The following RUFY4 variants were observed in gnomAD, a reference collection of about 807,000 sequenced individuals.
RUFY4 encodes the protein RUN and FYVE domain-containing protein 4.
A neutral mutation model predicts 69.0 loss-of-function variants in RUFY4; 73 were observed. That is an observed-to-expected ratio of 1.06 (90% CI 0.88 to 1.29). The LOEUF is 1.29. Among genes scored for constraint, RUFY4 ranks in the 50% most tolerant of loss-of-function variants. RUFY4 has a pLI of 0.00. For synonymous variants in RUFY4, 287 were observed against 271.8 expected, an observed-to-expected ratio of 1.06 and a Z score of -0.55; for missense variants, 770 against 705.6, an observed-to-expected ratio of 1.09 and a Z score of -1.03.
Position 218,070,656 on chromosome 2 carries a change from G to A in RUFY4, c.46+5G>A. On this transcript the variant is annotated splice_donor_5th_base_variant and intron_variant, in intron 1 of 10. Transcript: ENST00000344321. Reference sequence around the variant, plus strand: ...AGGTCACCAAAGACCTAAGAGGTGAGTGTGTCCTGAGAGATGCTCTGGGAC... The same window carrying A: ...AGGTCACCAAAGACCTAAGAGGTGAATGTGTCCTGAGAGATGCTCTGGGAC... 2 of 1,537,496 alleles carry A rather than the reference G, an allele frequency of 1.3e-6. No homozygotes were observed. The highest frequency in any genetic ancestry group is 2.4e-5 in the South Asian group (2 of 84,066).
intron 2 of RUFY4, among the ~76,000 whole-genome samples, chr2:218,055,603 A>G (rs1282122361): frequency 6.6e-6 from 1 of 152,188 alleles, no homozygotes; most frequent in African/African-American, 2.4e-5. Context: ...TGTAGAATGG[A>G]CTGTATCTTA....
intron 8 of RUFY4, among the ~76,000 whole-genome samples, chr2:218,080,204 T>C (rs1689729186): frequency 6.6e-6 from 1 of 152,204 alleles, no homozygotes; most frequent in South Asian, 2.1e-4. Flanking sequence ...CGGAATTCTC[T>C]GTGCTACCAG....
chr2:218,070,747 C>T lies in RUFY4; in HGVS notation c.47-6C>T. 1.3e-6 allele frequency: 2 copies of T among 1,536,704 alleles called. No homozygotes were observed. The highest frequency in any genetic ancestry group is 1.7e-6 in the Non-Finnish European group (2 of 1,146,324). On this transcript the variant is annotated splice_polypyrimidine_tract_variant and splice_region_variant and intron_variant, in intron 1 of 10. Transcript: ENST00000344321. ...AGCGACCTGACATCTGCCATCCTCC[C>T]AGCAGCTGCCGTCTCTGCCATCCTC...
intron 2 of RUFY4, among the ~76,000 whole-genome samples, chr2:218,035,916 C>A (rs912699641): frequency 6.6e-6 from 1 of 152,176 alleles, no homozygotes; most frequent in African/African-American, 2.4e-5. Context: ...GGATGAGTAC[C>A]CGGGTGAGGC....
chr2:218,075,038 C>T, intron 6 of RUFY4, 55 bp from the exon 9 acceptor site: 1 of 1,461,680 alleles, frequency 6.8e-7, no homozygotes. Context: ...TCTAATGGCA[C>T]CAGGTCAGTG....
intron 2 of RUFY4, 75 bp from the exon 5 acceptor site, chr2:218,072,299 C>T (rs1689507084): frequency 2.0e-6 from 3 of 1,501,624 alleles, no homozygotes; most frequent in Non-Finnish European, 1.8e-6. Flanking sequence ...TACATGTCCC[C>T]TCAGCAAGCT....
At chr2:218,045,771 T>A (rs1688812125) in intron 2 of RUFY4, among the ~76,000 whole-genome samples, 1 of 151,986 alleles carries the variant, frequency 6.6e-6, no homozygotes, top group South Asian at 2.1e-4. Flanking sequence ...GGCAAATATG[T>A]ACATAATAAT....
chr2:218,084,785 G>C (rs922713637), intron 9 of RUFY4, among the ~76,000 whole-genome samples: 1 of 152,066 alleles, frequency 6.6e-6, no homozygotes, highest in Admixed American at 6.6e-5. Context: ...GTGGCTCACA[G>C]GCCTGTAATC....
upstream of RUFY4, among the ~76,000 whole-genome samples, chr2:218,070,083 C>T (rs919427457): frequency 1.2e-4 from 18 of 152,106 alleles, 1 homozygote; most frequent in Non-Finnish European, 1.9e-4. Flanking sequence ...GACTGAGTAC[C>T]CAGGCAAGGC....
At chr2:218,039,856 C>A (rs1559418950) in intron 2 of RUFY4, among the ~76,000 whole-genome samples, 1 of 152,220 alleles carries the variant, frequency 6.6e-6, no homozygotes, top group Non-Finnish European at 1.5e-5. Context: ...AAGGAGCGTT[C>A]ATTTTCCCAT....
intron 8 of RUFY4, among the ~76,000 whole-genome samples, chr2:218,076,911 T>C (rs535237972): frequency 6.6e-6 from 1 of 152,328 alleles, no homozygotes; most frequent in African/African-American, 2.4e-5. Context: ...TCTGTCTCCC[T>C]TTTTTACTCA....
chr2:218,054,052 C>G (rs1689005887), intron 2 of RUFY4, among the ~76,000 whole-genome samples: 2 of 152,204 alleles, frequency 1.3e-5, no homozygotes, highest in African/African-American at 4.8e-5. Flanking sequence ...GTGATGCTGT[C>G]AGTCATGATT....
chr2:218,049,647 C>T (rs1688902857), intron 2 of RUFY4, among the ~76,000 whole-genome samples: 1 of 152,066 alleles, frequency 6.6e-6, no homozygotes. Context: ...GCTGGGATTA[C>T]AGGCATGCGC....
At chr2:218,057,818 G>A (rs1689095531) in intron 2 of RUFY4, among the ~76,000 whole-genome samples, 1 of 152,196 alleles carries the variant, frequency 6.6e-6, no homozygotes, top group South Asian at 2.1e-4. Context: ...CTTCCACTTA[G>A]CAGAATGTTT....
chr2:218,076,633 G>T, intron 8 of RUFY4, 100 bp downstream of exon 10: 2 of 1,501,616 alleles, frequency 1.3e-6, no homozygotes, highest in Admixed American at 2.4e-5. Flanking sequence ...AACCTCCCAT[G>T]CACCAGGCCC....
intron 8 of RUFY4, among the ~76,000 whole-genome samples, chr2:218,079,051 T>C (rs1318806300): frequency 3.3e-5 from 5 of 152,126 alleles, no homozygotes; most frequent in Non-Finnish European, 4.4e-5. Flanking sequence ...GTATTTTTAG[T>C]AGAGATGGGG....
chr2:218,076,511 G>A, exon 8 of RUFY4: 1 of 1,550,650 alleles, frequency 6.4e-7, no homozygotes, highest in South Asian at 1.2e-5. Flanking sequence ...GGAGCTGCAG[G>A]CACTTCGGGA....
intron 2 of RUFY4, among the ~76,000 whole-genome samples, chr2:218,051,743 T>G (rs983688088): frequency 2.0e-5 from 3 of 152,140 alleles, no homozygotes; most frequent in African/African-American, 7.2e-5. Flanking sequence ...TTTCTAAAAA[T>G]TAAACACTGA....
At position 218,060,601 on chromosome 2, in the gene RUFY4, T is replaced by A. The variant is rs749533930; in HGVS notation, c.-1071+1920T>A. Reference sequence around the variant, plus strand: ...GGTCATCTGGGTTCCCATGAGGGTGTCTGCCAGCAGGACCAGGTTGTAGGG... The same window carrying A: ...GGTCATCTGGGTTCCCATGAGGGTGACTGCCAGCAGGACCAGGTTGTAGGG... On this transcript the variant is annotated intron_variant and NMD_transcript_variant, in intron 3 of 13. Transcript: ENST00000457754. 3 of 1,345,388 alleles carry A rather than the reference T, an allele frequency of 2.2e-6. No individual in the cohort carries two copies. In the East Asian group the frequency reaches 6.9e-5, roughly 31 times the overall value. The allele number at this position is 1,345,388 out of a possible 1,614,324, so 83.3% of individuals were successfully genotyped here.
Sources: gnomAD v4.1 joint callset for allele counts (sites outside exome capture counted in the v4.1 genomes callset) on GRCh38, gnomAD v4.1.1 for gene constraint, MANE v1.5 for transcripts, NCBI Gene and HGNC (gene_info 2026-07-23, HGNC 2026-07-21) for gene names.